Variants in ASPRV1 observed in about 807,000 individuals in gnomAD.
The protein encoded by ASPRV1 is retroviral-like aspartic protease 1.
Under a neutral mutation model 11.0 loss-of-function variants are expected in ASPRV1, and 7 were observed. The ratio of observed to expected loss-of-function variants is 0.64; its 90% CI spans 0.36 to 1.20. The LOEUF is 1.20. Ranked by LOEUF, ASPRV1 falls within the 50% of genes most tolerant of loss-of-function variation. ASPRV1 has a pLI of 0.02. For synonymous variants in ASPRV1, 136 were observed against 138.4 expected, an observed-to-expected ratio of 0.98 and a Z score of 0.12; for missense variants, 299 against 320.0, an observed-to-expected ratio of 0.93 and a Z score of 0.50.
chr2:69,937,528 G>T, the ASPRV1 span: 1 of 791,642 alleles, frequency 1.3e-6, no homozygotes, highest in East Asian at 2.8e-5. Flanking sequence ...GTCGAACAGT[G>T]TGACCTCCAG....
At chr2:70,003,062 G>A in the ASPRV1 span, 1 of 152,342 alleles carries the variant, frequency 6.6e-6, no homozygotes, top group East Asian at 1.9e-4. Context: ...TAAATCCTCT[G>A]TAGAAAAATG....
chr2:69,987,876 G>T, the ASPRV1 span, among the ~76,000 whole-genome samples: 2 of 152,214 alleles, frequency 1.3e-5, no homozygotes, highest in East Asian at 3.8e-4. Context: ...GTAGGAGAGT[G>T]CCCAGGTACA....
the ASPRV1 span, among the ~76,000 whole-genome samples, chr2:70,057,432 A>ATG: frequency 7.9e-5 from 12 of 151,692 alleles, no homozygotes; most frequent in Admixed American, 7.9e-4. Flanking sequence ...CAGCTTGTTT[A>ATG]TGTATATCTG....
chr2:69,948,243 G>C, the ASPRV1 span, among the ~76,000 whole-genome samples: 1 of 152,152 alleles, frequency 6.6e-6, no homozygotes, highest in Non-Finnish European at 1.5e-5. Flanking sequence ...GTGAGACCCT[G>C]TCTCAAACAA....
the ASPRV1 span, among the ~76,000 whole-genome samples, chr2:70,000,897 A>G: frequency 6.6e-6 from 1 of 152,130 alleles, no homozygotes; most frequent in South Asian, 2.1e-4. Flanking sequence ...CTGGCCTGTA[A>G]AAGAGTCCAA....
chr2:69,949,060 T>C, the ASPRV1 span, among the ~76,000 whole-genome samples: 6 of 152,278 alleles, frequency 3.9e-5, no homozygotes, highest in East Asian at 1.2e-3. Flanking sequence ...AGCTCCCTGG[T>C]CACTTTCTAT....
chr2:70,007,538 T>C, the ASPRV1 span, among the ~76,000 whole-genome samples: 2 of 151,774 alleles, frequency 1.3e-5, no homozygotes, highest in African/African-American at 4.8e-5. Flanking sequence ...AAGAACTATA[T>C]CTACTTAAAT....
At chr2:69,981,323 A>C in the ASPRV1 span, among the ~76,000 whole-genome samples, 1 of 152,216 alleles carries the variant, frequency 6.6e-6, no homozygotes, top group Non-Finnish European at 1.5e-5. Flanking sequence ...GTATTACATT[A>C]TAATATTTAT....
chr2:69,965,237 A>T (rs1028089978), upstream of ASPRV1, among the ~76,000 whole-genome samples: 2 of 152,038 alleles, frequency 1.3e-5, no homozygotes, highest in Non-Finnish European at 2.9e-5. Flanking sequence ...GACAGGTTTC[A>T]CCGTGTTAGC....
At chr2:70,020,069 C>G in the ASPRV1 span, among the ~76,000 whole-genome samples, 9,968 of 152,108 alleles carry the variant, frequency 0.066, 437 homozygotes, top group East Asian at 0.27. Flanking sequence ...TCAAAACACA[C>G]ATTTTTTAAA....
the ASPRV1 span, among the ~76,000 whole-genome samples, chr2:69,972,351 G>C: frequency 7.0e-6 from 1 of 142,538 alleles, no homozygotes; most frequent in Non-Finnish European, 1.5e-5. Context: ...GTGAGCCACC[G>C]TGCCCGGCCC....
At chr2:70,053,956 C>G in the ASPRV1 span, 8 of 152,350 alleles carry the variant, frequency 5.3e-5, no homozygotes, top group East Asian at 1.5e-3. Context: ...CTCATCACTA[C>G]AGGATATAAG....
chr2:70,062,382 G>A, the ASPRV1 span, among the ~76,000 whole-genome samples: 1 of 152,336 alleles, frequency 6.6e-6, no homozygotes, highest in African/African-American at 2.4e-5. Flanking sequence ...TCAAGCTGCA[G>A]ATTCCTGGTC....
At chr2:70,073,343 C>G in the ASPRV1 span, 1 of 152,102 alleles carries the variant, frequency 6.6e-6, no homozygotes. Context: ...AGAAGTCCCT[C>G]TTCTATTTTT....
At chr2:69,957,293 G>T (rs1677961984), downstream of ASPRV1, among the ~76,000 whole-genome samples, 1 of 152,048 alleles carries the variant, frequency 6.6e-6, no homozygotes, top group Non-Finnish European at 1.5e-5. Flanking sequence ...TATATAGATA[G>T]GAGAAAAGGA....
At chr2:70,048,321 A>G in the ASPRV1 span, among the ~76,000 whole-genome samples, 1 of 151,636 alleles carries the variant, frequency 6.6e-6, no homozygotes, top group African/African-American at 2.4e-5. Context: ...AGGCTGAGGC[A>G]GGAGAATGGC....
chr2:70,075,936 A>C, the ASPRV1 span, among the ~76,000 whole-genome samples: 1 of 152,180 alleles, frequency 6.6e-6, no homozygotes, highest in East Asian at 1.9e-4. Context: ...AACAAGCATA[A>C]TAACAAGAGA....
At chr2:70,034,570 C>CA in the ASPRV1 span, among the ~76,000 whole-genome samples, 4,905 of 84,802 alleles carry the variant, frequency 0.058, 276 homozygotes, top group African/African-American at 0.18. Context: ...GACTTTGTCT[C>CA]AAAAAAAAAA....
In ASPRV1 at chr2:69,960,141, T is replaced by C. The variant is rs576065677; in HGVS notation, c.*516A>G. ...GTTTGCAGCAATTGAATTATTGGCA[T>C]AAGGCACAATGGGCTTCAAAGCAAA... On this transcript the variant is annotated 3_prime_UTR_variant, in exon 1 of 1. Transcript: ENST00000320256. 6.5e-6 allele frequency: 1 copy of C among 154,762 alleles called. No homozygotes were observed. The highest frequency in any genetic ancestry group is 1.9e-4 in the East Asian group (1 of 5,240). The allele number at this position is 154,762 out of a possible 1,614,324, so 9.6% of individuals were successfully genotyped here. A position where few individuals can be genotyped will look rare whatever the true frequency, so the allele number is the denominator to read the frequency against.
Sources: gnomAD v4.1 joint callset for allele counts (sites outside exome capture counted in the v4.1 genomes callset) on GRCh38, gnomAD v4.1.1 for gene constraint, MANE v1.5 for transcripts, NCBI Gene and HGNC (gene_info 2026-07-23, HGNC 2026-07-21) for gene names.